SLC16A10: variants seen among roughly 807,000 people sequenced by gnomAD.
SLC16A10 encodes the protein monocarboxylate transporter 10.
A neutral mutation model predicts 40.0 loss-of-function variants in SLC16A10; 27 were observed. That is an observed-to-expected ratio of 0.67 (90% CI 0.50 to 0.93). The LOEUF (loss-of-function observed/expected upper bound fraction) is 0.93, where lower values mean the gene tolerates loss of function less well. SLC16A10 is among the 40% of genes least tolerant of loss of function. The probability of loss-of-function intolerance (pLI) is 0.00; values close to 1 mark genes in which losing one functional copy is unlikely to be tolerated. For synonymous variants in SLC16A10, 213 were observed against 249.8 expected, an observed-to-expected ratio of 0.85 and a Z score of 1.39; for missense variants, 529 against 658.2, an observed-to-expected ratio of 0.80 and a Z score of 2.15.
At chr6:111,142,784 G>T (rs1270824747) in intron 1 of SLC16A10, among the ~76,000 whole-genome samples, 5 of 152,180 alleles carry the variant, frequency 3.3e-5, no homozygotes, top group African/African-American at 4.8e-5. Context: ...ATGCAAAATG[G>T]TATAGCCACT....
chr6:111,200,292 T>G (rs1773147951), intron 3 of SLC16A10, among the ~76,000 whole-genome samples: 1 of 152,214 alleles, frequency 6.6e-6, no homozygotes, highest in African/African-American at 2.4e-5. Context: ...TAGAGATACT[T>G]TAGTCTAAAG....
At chr6:111,092,101 C>G (rs1040304019) in intron 1 of SLC16A10, among the ~76,000 whole-genome samples, 7 of 152,076 alleles carry the variant, frequency 4.6e-5, no homozygotes, top group Non-Finnish European at 8.8e-5. Context: ...GCCTCTTTCT[C>G]TATGGTTATA....
intron 1 of SLC16A10, among the ~76,000 whole-genome samples, chr6:111,102,836 C>T (rs904823555): frequency 9.2e-5 from 14 of 152,152 alleles, no homozygotes; most frequent in Non-Finnish European, 1.5e-5. Context: ...TGGACTCGAG[C>T]TAATTCCGTT....
chr6:111,120,097 G>A (rs1771557604), intron 1 of SLC16A10, among the ~76,000 whole-genome samples: 1 of 152,222 alleles, frequency 6.6e-6, no homozygotes, highest in African/African-American at 2.4e-5. Flanking sequence ...CCAAAAAAGA[G>A]ATTTGCGTAT....
At position 111,088,013 on chromosome 6, in the gene SLC16A10, C is replaced by G. The variant is rs761456951; in HGVS notation, c.261C>G (p.Ile87Met). 2.5e-6 allele frequency: 4 copies of G among 1,610,186 alleles called. No individual in the cohort carries two copies. The highest frequency in any genetic ancestry group is 1.1e-5 in the South Asian group (1 of 90,472). The change falls in exon 1 of 6, where the codon ATC becomes ATG. Residue 87 changes from isoleucine (I) to methionine (M), a missense_variant. Coordinates refer to ENST00000368851, the MANE Select transcript of SLC16A10 (RefSeq NM_018593.5). Reference sequence around the variant, plus strand: ...GGTGCAACGGGTCGGTGTTCGGCATCCAGAACGCTTGCGGGGTGCTCTTCG... The same window carrying G: ...GGTGCAACGGGTCGGTGTTCGGCATGCAGAACGCTTGCGGGGTGCTCTTCG... ...AMWCNGSVFGIQNACGVLFVS... is the reference protein window; with the variant it reads ...AMWCNGSVFGMQNACGVLFVS...
intron 1 of SLC16A10, among the ~76,000 whole-genome samples, chr6:111,132,308 T>C (rs961564328): frequency 8.5e-5 from 13 of 152,198 alleles, no homozygotes; most frequent in African/African-American, 3.1e-4. Context: ...GCCCTATTCC[T>C]TTAAAAGCCA....
intron 1 of SLC16A10, among the ~76,000 whole-genome samples, chr6:111,100,923 A>G (rs1771164015): frequency 6.8e-6 from 1 of 147,244 alleles, no homozygotes; most frequent in Non-Finnish European, 1.5e-5. Flanking sequence ...GTAATTGTTT[A>G]TCTGAAACTT....
intron 3 of SLC16A10, among the ~76,000 whole-genome samples, chr6:111,192,840 A>G (rs1939683392): frequency 6.6e-6 from 1 of 152,184 alleles, no homozygotes; most frequent in Non-Finnish European, 1.5e-5. Context: ...AGAACAGCAC[A>G]GGAAAAACCC....
intron 1 of SLC16A10, among the ~76,000 whole-genome samples, chr6:111,151,842 G>A (rs1370848885): frequency 2.0e-5 from 3 of 152,192 alleles, no homozygotes; most frequent in African/African-American, 7.2e-5. Flanking sequence ...CATCCTCCAT[G>A]TCACTTTGGG....
chr6:111,204,458 A>G (rs1342981573), intron 3 of SLC16A10, among the ~76,000 whole-genome samples: 1 of 152,230 alleles, frequency 6.6e-6, no homozygotes, highest in East Asian at 1.9e-4. Context: ...GAGAATGTGT[A>G]GAGACATTAA....
chr6:111,145,782 G>A (rs1204679635), intron 1 of SLC16A10, among the ~76,000 whole-genome samples: 1 of 152,166 alleles, frequency 6.6e-6, no homozygotes, highest in African/African-American at 2.4e-5. Context: ...CCAGGATTTA[G>A]AGGCTGCAGT....
In SLC16A10 at chr6:111,087,767, G is replaced by C; in HGVS notation, c.15G>C (p.Gln5His). 8.2e-7 allele frequency: 1 copy of C among 1,224,020 alleles called. No individual in the cohort carries two copies. The highest frequency in any genetic ancestry group is 1.0e-6 in the Non-Finnish European group (1 of 984,568). The allele number at this position is 1,224,020 out of a possible 1,614,324, so 75.8% of individuals were successfully genotyped here. The change falls in exon 1 of 6, where the codon CAG (glutamine) becomes CAC (histidine). Residue 5 changes from glutamine to histidine, a missense_variant. Physicochemically the swap from Gln to His is conservative, Grantham distance 24. Transcript: ENST00000368851. MVLS[Q>H]EEPDSARGTS... ...CGCCTCGGGCCATGGTGCTCTCCCA[G>C]GAGGAGCCGGACTCCGCGCGGGGCA...
chr6:111,171,285 A>G (rs1052750922), intron 1 of SLC16A10, among the ~76,000 whole-genome samples: 1 of 152,228 alleles, frequency 6.6e-6, no homozygotes, highest in Non-Finnish European at 1.5e-5. Flanking sequence ...AGTCAAGATG[A>G]CAGTGTTTAC....
chr6:111,129,053 A>G (rs1271065361), intron 1 of SLC16A10, among the ~76,000 whole-genome samples: 1 of 152,020 alleles, frequency 6.6e-6, no homozygotes, highest in Non-Finnish European at 1.5e-5. Flanking sequence ...TTCATTTAAC[A>G]TTATGCTATA....
chr6:111,107,551 A>T (rs929189225), intron 1 of SLC16A10, among the ~76,000 whole-genome samples: 1 of 152,234 alleles, frequency 6.6e-6, no homozygotes, highest in African/African-American at 2.4e-5. Flanking sequence ...TCAAGGAAAA[A>T]ATTAATCTTG....
chr6:111,140,076 A>G (rs1006799751), intron 1 of SLC16A10, among the ~76,000 whole-genome samples: 5 of 152,216 alleles, frequency 3.3e-5, no homozygotes, highest in African/African-American at 4.8e-5. Flanking sequence ...TACTTGGACA[A>G]TGTAATAATA....
At position 111,228,041 on chromosome 6, in the gene SLC16A10, TA is replaced by T. The variant is rs1411274479; in HGVS notation, c.*5808del. 7 of 152,306 alleles carry T rather than the reference TA, an allele frequency of 4.6e-5. No homozygotes were observed. The highest frequency in any genetic ancestry group is 1.7e-4 in the African/African-American group (7 of 41,572). 9.4% of individuals were successfully genotyped at this position (152,306 alleles called of 1,614,324 possible). A position where few individuals can be genotyped will look rare whatever the true frequency, so the allele number is the denominator to read the frequency against. The stretch of plus-strand genomic sequence containing the variant: ...AAAGTAACAAAAAAGGAATAACAAC[TA>T]ATATGGCCTGTGGATCTGACAAAGA... On this transcript the variant is annotated 3_prime_UTR_variant, in exon 6 of 6. Transcript: ENST00000368851.
intron 1 of SLC16A10, among the ~76,000 whole-genome samples, chr6:111,117,291 G>A (rs1435715033): frequency 7.1e-6 from 1 of 140,910 alleles, no homozygotes; most frequent in Admixed American, 7.8e-5. Context: ...GGCGGAGGTT[G>A]CAGTGAGCCC....
intron 3 of SLC16A10, among the ~76,000 whole-genome samples, chr6:111,179,547 A>C (rs1772751702): frequency 6.6e-6 from 1 of 152,176 alleles, no homozygotes. Flanking sequence ...TTAGGGGAAA[A>C]ATGAGTATGC....
Sources: gnomAD v4.1 joint callset for allele counts (sites outside exome capture counted in the v4.1 genomes callset) on GRCh38, gnomAD v4.1.1 for gene constraint, MANE v1.5 for transcripts, NCBI Gene and HGNC (gene_info 2026-07-23, HGNC 2026-07-21) for gene names.